The following BICD2 variants were observed in gnomAD, a reference collection of about 807,000 sequenced individuals.
The protein encoded by BICD2 is BICD cargo adaptor 2.
BICD2 carries 25 observed loss-of-function variants against 72.9 expected under a neutral mutation model. The observed-to-expected ratio is 0.34, with a 90% CI of 0.25 to 0.48. The LOEUF (loss-of-function observed/expected upper bound fraction) is 0.48, where lower values mean the gene tolerates loss of function less well. BICD2 is among the 20% of genes least tolerant of loss of function. BICD2 has a pLI of 0.99. For missense variants in BICD2, 894 were observed against 1,175.2 expected (o/e 0.76, Z 3.50); for synonymous variants, 501 against 516.1 (o/e 0.97, Z 0.40).
At chr9:92,717,619 CA>C (rs2131498478) in intron 6 of BICD2, among the ~76,000 whole-genome samples, 177 bp downstream of exon 6, 1 of 152,336 alleles carries the variant, frequency 6.6e-6, no homozygotes, top group African/African-American at 2.4e-5. Flanking sequence ...AGAGATGTGC[CA>C]GGGGCCATGC....
chr9:92,749,619 T>C (rs892364960), intron 1 of BICD2, among the ~76,000 whole-genome samples: 1 of 152,244 alleles, frequency 6.6e-6, no homozygotes, highest in Non-Finnish European at 1.5e-5. Flanking sequence ...AATTCATCCC[T>C]GGGCAGGAGG....
Position 92,757,445 on chromosome 9 carries a change from C to T in BICD2, c.240+7060G>A, listed in dbSNP as rs138147020. Among the ~76,000 whole-genome samples, 169 of 151,298 alleles carry T rather than the reference C, an allele frequency of 1.1e-3. 1 individual carries two copies. The East Asian group carries it at 0.029, about 26-fold the overall frequency. ...ATGAGCCAAACTGGGGAAATCCAAA[C>T]ACTGACTGGACAACAGATGACACTA... is the stretch of plus-strand genomic sequence containing the variant. On this transcript the variant is annotated intron_variant, in intron 1 of 6. Coordinates refer to ENST00000356884, the MANE Select transcript of BICD2 (RefSeq NM_001003800.2).
intron 1 of BICD2, among the ~76,000 whole-genome samples, chr9:92,732,262 A>T (rs1038650229): frequency 5.9e-5 from 9 of 152,178 alleles, no homozygotes; most frequent in African/African-American, 2.2e-4. Flanking sequence ...AAAATGAAAC[A>T]CAGAGAAAAA....
chr9:92,751,825 A>G (rs1854156686), intron 1 of BICD2, among the ~76,000 whole-genome samples: 1 of 136,448 alleles, frequency 7.3e-6, no homozygotes, highest in Non-Finnish European at 1.6e-5. Context: ...TTTTTTTGAG[A>G]TGGAGTTTTG....
intron 1 of BICD2, among the ~76,000 whole-genome samples, chr9:92,754,307 C>G (rs939497709): frequency 4.6e-5 from 7 of 152,238 alleles, no homozygotes; most frequent in East Asian, 1.9e-4. Context: ...GCTGTAGGTG[C>G]GTGTATCCTG....
In BICD2 at chr9:92,720,012, C is replaced by T. The variant is rs1853426020; in HGVS notation, c.1062+288G>A. Among the ~76,000 whole-genome samples, 1 of 152,220 alleles carries T rather than the reference C, an allele frequency of 6.6e-6. No individual in the cohort carries two copies. The highest frequency in any genetic ancestry group is 1.5e-5 in the Non-Finnish European group (1 of 68,050). ...GCATGACCATGGTGGGCCCCTGACA[C>T]CTGGCCTGCGTGCAGGGATCACATG... On this transcript the variant is annotated intron_variant, in intron 4 of 6. Transcript: ENST00000356884. The surrounding 1 kb of genome is among the most constrained non-coding windows in gnomAD (Gnocchi z 5.4).
At chr9:92,732,438 A>C (rs1365068876) in intron 1 of BICD2, among the ~76,000 whole-genome samples, 1 of 152,258 alleles carries the variant, frequency 6.6e-6, no homozygotes, top group Non-Finnish European at 1.5e-5. Flanking sequence ...AAATTTTCCA[A>C]ATTTGATGAA....
At chr9:92,723,023 C>G (rs926244031) in intron 2 of BICD2, among the ~76,000 whole-genome samples, 5 of 144,084 alleles carry the variant, frequency 3.5e-5, no homozygotes, top group Non-Finnish European at 7.6e-5. Flanking sequence ...ATTCCCTCAG[C>G]CCTTCTCACC....
chr9:92,749,710 T>C (rs1372925488), intron 1 of BICD2, among the ~76,000 whole-genome samples: 1 of 152,220 alleles, frequency 6.6e-6, no homozygotes, highest in Non-Finnish European at 1.5e-5. Context: ...TCTGGCCAGC[T>C]GCACCCAGGG....
Position 92,722,713 on chromosome 9 carries a change from T to A in BICD2, c.549A>T (p.Glu183Asp). 6.2e-7 allele frequency: 1 copy of A among 1,614,202 alleles called. No individual in the cohort carries two copies. The highest frequency in any genetic ancestry group is 8.5e-7 in the Non-Finnish European group (1 of 1,180,030). The change falls in exon 3 of 7, where the codon GAA (glutamate) becomes GAT (aspartate). Residue 183 changes from glutamate to aspartate, a missense_variant. Physicochemically the swap from Glu to Asp is conservative, Grantham distance 45 (BLOSUM62 2). Around this residue, in one of 5 missense-constraint regions of BICD2, gnomAD observed 192 missense variants for 243.6 expected, o/e 0.79. Transcript: ENST00000356884. ...GCAGGCTGATGTTCTCCTCCTCCAG[T>A]TCCGAGTAGTCCTGCAGCAGACGAG... ...REARLLQDYSELEEENISLQK... is the reference protein window; with the variant it reads ...REARLLQDYSDLEEENISLQK...
intron 1 of BICD2, among the ~76,000 whole-genome samples, chr9:92,741,657 C>T (rs1331356204): frequency 6.6e-6 from 1 of 151,922 alleles, no homozygotes; most frequent in Non-Finnish European, 1.5e-5. Context: ...CAAAAGCAAA[C>T]ATAACAAATA....
chr9:92,718,413 G>A, intron 5 of BICD2, 126 bp downstream of exon 5: 1 of 1,163,434 alleles, frequency 8.6e-7, no homozygotes, highest in Non-Finnish European at 1.2e-6. Flanking sequence ...CTACTATGGG[G>A]CTGGCTCTGT....
At chr9:92,733,320 G>A (rs1264321420) in intron 1 of BICD2, among the ~76,000 whole-genome samples, 2 of 152,016 alleles carry the variant, frequency 1.3e-5, no homozygotes, top group East Asian at 1.9e-4. Flanking sequence ...GGCAGATCAC[G>A]AGGTCAGGAG....
At chr9:92,749,405 T>G (rs2131529079) in intron 1 of BICD2, among the ~76,000 whole-genome samples, 1 of 152,282 alleles carries the variant, frequency 6.6e-6, no homozygotes, top group Non-Finnish European at 1.5e-5. Flanking sequence ...CACTTGTGGA[T>G]GCGGGGATCG....
Position 92,719,056 on chromosome 9 carries a change from A to C in BICD2, c.1589T>G (p.Phe530Cys). 2 of 1,612,980 alleles carry C rather than the reference A, an allele frequency of 1.2e-6. No homozygotes were observed. The highest frequency in any genetic ancestry group is 1.7e-6 in the Non-Finnish European group (2 of 1,179,968). ...GTAGAGATTGGCCAGCTCCTCACTG[A>C]AGGTCACCAGCTCATCCTGGGCCAC... ...LSVAQDELVT[F>C]SEELANLYHH... The change falls in exon 5 of 7, where the codon TTC becomes TGC. Residue 530 changes from phenylalanine to cysteine, a missense_variant. By Grantham distance (205) the Phe-to-Cys change is radical. This residue lies in a region of BICD2 where 371 missense variants were observed against 439.1 expected (regional missense o/e 0.84). Coordinates refer to ENST00000356884, the MANE Select transcript of BICD2 (RefSeq NM_001003800.2).
At chr9:92,721,782 T>C (rs1304023050) in intron 3 of BICD2, among the ~76,000 whole-genome samples, 1 of 152,244 alleles carries the variant, frequency 6.6e-6, no homozygotes, top group East Asian at 1.9e-4. Context: ...AAGGCCACCA[T>C]GCGCTGGGCT....
At chr9:92,760,631 C>A (rs1854353218) in intron 1 of BICD2, among the ~76,000 whole-genome samples, 1 of 152,176 alleles carries the variant, frequency 6.6e-6, no homozygotes, top group African/African-American at 2.4e-5. Context: ...TTAGTGACAA[C>A]AGTGTAGCCA....
At position 92,712,774 on chromosome 9, in the gene BICD2, T is replaced by C. The variant is rs182153690; in HGVS notation, c.*2380A>G. On this transcript the variant is annotated 3_prime_UTR_variant, in exon 7 of 7. Transcript: ENST00000356884. ...ATTCCTAAGAATAATAATAATACAA[T>C]ATGAAAAACCCCAGAATCTGAATAC... The C allele has an allele frequency of 6.6e-6, 1 of 152,548 alleles. No homozygotes were observed. Among genetic ancestry groups the C allele is most frequent in the Admixed American group, 6.5e-5 (1 of 15,304 alleles). The allele number at this position is 152,548 out of a possible 1,614,324, so 9.4% of individuals were successfully genotyped here. A position where few individuals can be genotyped will look rare whatever the true frequency, so the allele number is the denominator to read the frequency against.
intron 3 of BICD2, 128 bp downstream of exon 3, chr9:92,722,528 T>G: frequency 7.9e-7 from 1 of 1,264,984 alleles, no homozygotes; most frequent in East Asian, 2.5e-5. Context: ...GTGGTAAAGC[T>G]GGCCCTGGGC....
Sources: allele counts gnomAD v4.1 joint callset (sites outside exome capture counted in the v4.1 genomes callset), GRCh38; gene constraint gnomAD v4.1.1; regional missense constraint gnomAD v4.1.1; non-coding constraint Gnocchi (gnomAD v3.1); transcripts MANE v1.5; gene names NCBI Gene and HGNC (gene_info 2026-07-23, HGNC 2026-07-21).